XKR4: variants seen among roughly 807,000 people sequenced by gnomAD.
XKR4 encodes XK related 4.
Under a neutral mutation model 53.9 loss-of-function variants are expected in XKR4, and 12 were observed. That is an observed-to-expected ratio of 0.22 (90% confidence interval 0.14 to 0.36). XKR4 has a LOEUF of 0.36. Ranked by LOEUF, XKR4 falls within the 10% of genes least tolerant of loss-of-function variation. The probability of loss-of-function intolerance (pLI) is 1.00; values close to 1 mark genes in which losing one functional copy is unlikely to be tolerated. For synonymous variants in XKR4, 354 were observed against 362.4 expected (o/e 0.98, Z 0.26); for missense variants, 799 against 859.5 (o/e 0.93, Z 0.88).
intron 2 of XKR4, among the ~76,000 whole-genome samples, chr8:55,358,896 G>A (rs1238617277): frequency 6.6e-6 from 1 of 152,192 alleles, no homozygotes; most frequent in Non-Finnish European, 1.5e-5. Flanking sequence ...TTATGGCATG[G>A]AGCATGCTAG....
chr8:55,310,398 T>C (rs1310481555), intron 1 of XKR4, among the ~76,000 whole-genome samples: 1 of 152,176 alleles, frequency 6.6e-6, no homozygotes, highest in African/African-American at 2.4e-5. Context: ...TATAGAACAT[T>C]GTGAGTTTCA....
chr8:55,290,254 G>A (rs1033271845), intron 1 of XKR4, among the ~76,000 whole-genome samples: 15 of 150,902 alleles, frequency 9.9e-5, no homozygotes, highest in African/African-American at 1.5e-4. Context: ...CTCAGCCTCC[G>A]GAGTAGCTGG....
intron 1 of XKR4, among the ~76,000 whole-genome samples, chr8:55,321,536 C>T (rs1803212370): frequency 6.6e-6 from 1 of 152,228 alleles, no homozygotes; most frequent in East Asian, 1.9e-4. Flanking sequence ...ACAGCATACT[C>T]TGTGCTTTCT....
At chr8:55,320,385 A>T (rs960108041) in intron 1 of XKR4, among the ~76,000 whole-genome samples, 3 of 152,192 alleles carry the variant, frequency 2.0e-5, no homozygotes, top group Non-Finnish European at 4.4e-5. Context: ...GAAGGAAGAG[A>T]TTTAAGTTCA....
chr8:55,424,818 C>T (rs2658922), intron 2 of XKR4, among the ~76,000 whole-genome samples: 6,029 of 152,264 alleles, frequency 0.04, 197 homozygotes, highest in Non-Finnish European at 0.043. Context: ...TGAACTTCAG[C>T]GTCACTCTCA....
At chr8:55,364,346 A>G (rs1803942079) in intron 2 of XKR4, among the ~76,000 whole-genome samples, 1 of 152,210 alleles carries the variant, frequency 6.6e-6, no homozygotes, top group Non-Finnish European at 1.5e-5. Flanking sequence ...CCACCGCCTC[A>G]GCTGGAAGGA....
chr8:55,388,378 C>G (rs1804357654), intron 2 of XKR4, among the ~76,000 whole-genome samples: 1 of 152,160 alleles, frequency 6.6e-6, no homozygotes, highest in East Asian at 1.9e-4. Flanking sequence ...TTACTATTGA[C>G]AGATGTCTTG....
chr8:55,414,090 A>T (rs1804811272), intron 2 of XKR4, among the ~76,000 whole-genome samples: 1 of 152,216 alleles, frequency 6.6e-6, no homozygotes, highest in South Asian at 2.1e-4. Flanking sequence ...CATTTATTCA[A>T]GGTTTAACTG....
At chr8:55,128,957 C>T (rs374255242) in intron 1 of XKR4, among the ~76,000 whole-genome samples, 3 of 152,254 alleles carry the variant, frequency 2.0e-5, no homozygotes, top group African/African-American at 4.8e-5. Flanking sequence ...TTTATAGGAT[C>T]GTCTAACCAA....
intron 1 of XKR4, among the ~76,000 whole-genome samples, chr8:55,264,755 A>C (rs757252464): frequency 6.6e-6 from 1 of 152,246 alleles, no homozygotes; most frequent in Non-Finnish European, 1.5e-5. Context: ...ATTGCAATGC[A>C]TCAATATGGT....
At chr8:55,476,273 A>T (rs1805982342) in intron 2 of XKR4, among the ~76,000 whole-genome samples, 1 of 152,120 alleles carries the variant, frequency 6.6e-6, no homozygotes, top group Admixed American at 6.5e-5. Context: ...AAAAGCCAGT[A>T]TCAGAATTCA....
chr8:55,229,025 AC>A (rs1442642987), intron 1 of XKR4, among the ~76,000 whole-genome samples: 1 of 152,174 alleles, frequency 6.6e-6, no homozygotes, highest in Non-Finnish European at 1.5e-5. Context: ...ACAAAACAAA[AC>A]AACAACAACA....
At chr8:55,162,224 G>A (rs969519471) in intron 1 of XKR4, among the ~76,000 whole-genome samples, 2 of 152,094 alleles carry the variant, frequency 1.3e-5, no homozygotes, top group South Asian at 2.1e-4. Context: ...AGTACACACC[G>A]AGTGCCTCCG....
chr8:55,289,668 GA>G lies in XKR4; in HGVS notation c.807-68006del, dbSNP rs1378587409. Among the ~76,000 whole-genome samples the G allele has an allele frequency of 4.6e-3, 200 of 43,696 alleles. 4 individuals are homozygous for G. Among genetic ancestry groups the G allele is most frequent in the Middle Eastern group, 0.011 (1 of 94 alleles). 28.7% of individuals were successfully genotyped at this position (43,696 alleles called of 152,430 possible). On this transcript the variant is annotated intron_variant, in intron 1 of 2. Transcript: ENST00000327381. Reference sequence around the variant, plus strand: ...AAGAAAGGAAGGAAGGAAAAGAAAAGAAAAGAAAGAGAAAGAAAGAAAGAAA... The same window carrying G: ...AAGAAAGGAAGGAAGGAAAAGAAAAGAAAGAAAGAGAAAGAAAGAAAGAAA...
chr8:55,387,798 C>A (rs975923135), intron 2 of XKR4, among the ~76,000 whole-genome samples: 2 of 152,150 alleles, frequency 1.3e-5, no homozygotes, highest in Non-Finnish European at 2.9e-5. Flanking sequence ...ATAGCCTGTC[C>A]CTCTCAGGGT....
chr8:55,122,127 C>T (rs1052182641), intron 1 of XKR4, among the ~76,000 whole-genome samples: 2 of 152,128 alleles, frequency 1.3e-5, no homozygotes, highest in African/African-American at 4.8e-5. Context: ...AAAATTTCAT[C>T]CTCATTTGTT....
chr8:55,305,925 A>C (rs1358788734), intron 1 of XKR4, among the ~76,000 whole-genome samples: 1 of 152,222 alleles, frequency 6.6e-6, no homozygotes, highest in African/African-American at 2.4e-5. Context: ...TAGATGTACC[A>C]TGTAAGTAAA....
intron 1 of XKR4, among the ~76,000 whole-genome samples, chr8:55,218,727 CTA>C (rs1817837744): frequency 6.6e-6 from 1 of 152,136 alleles, no homozygotes; most frequent in African/African-American, 2.4e-5. Context: ...TTATAGCAAG[CTA>C]TCATATTCTT....
intron 2 of XKR4, among the ~76,000 whole-genome samples, chr8:55,522,354 A>C (rs78706369): frequency 1.3e-5 from 2 of 152,352 alleles, no homozygotes; most frequent in East Asian, 3.9e-4. Flanking sequence ...CAGGGAACGG[A>C]CATGTCTTCT....
Sources: gnomAD v4.1 joint callset for allele counts (sites outside exome capture counted in the v4.1 genomes callset) on GRCh38, gnomAD v4.1.1 for gene constraint, MANE v1.5 for transcripts, NCBI Gene and HGNC (gene_info 2026-07-23, HGNC 2026-07-21) for gene names.